The following PVALEF variants were observed in gnomAD, a reference collection of about 807,000 sequenced individuals.
PVALEF encodes the protein parvalbumin-like EF-hand-containing protein.
PVALEF carries 2 observed loss-of-function variants against 1.2 expected under a neutral mutation model. The observed-to-expected ratio is 1.68, with a 90% CI of 0.69 to 5.28. PVALEF has a LOEUF of 5.28. Among genes scored for constraint, PVALEF ranks in the 30% most tolerant of loss-of-function variants. PVALEF has a pLI of 0.06. For missense variants in PVALEF, 35 were observed against 17.7 expected (o/e 1.97, Z -1.75); for synonymous variants, 16 against 6.5 (o/e 2.47, Z -2.24).
At chr17:81,169,311 A>G (rs1447921487) in intron 2 of PVALEF, among the ~76,000 whole-genome samples, 2 of 152,242 alleles carry the variant, frequency 1.3e-5, no homozygotes, top group East Asian at 3.8e-4. Context: ...TGTTAAAAAC[A>G]GTAATCGGCC....
At position 81,182,077 on chromosome 17, in the gene PVALEF, C is replaced by T. The variant is rs1356574437; in HGVS notation, c.354C>T (p.Tyr118=). ...ADTHGDGRIN[Y]EEFSELIKKE... Reference sequence around the variant, plus strand: ...CACACGGGGACGGGAGGATCAACTACGAAGGTGGGGGCAGCACAGCCGGGG... The same window carrying T: ...CACACGGGGACGGGAGGATCAACTATGAAGGTGGGGGCAGCACAGCCGGGG... Residue 118 remains tyrosine (Y), a synonymous_variant, in exon 6 of 7, where the codon TAC becomes TAT. Transcript: ENST00000637878. 7.5e-6 allele frequency: 3 copies of T among 398,558 alleles called. No individual in the cohort carries two copies. The highest frequency in any genetic ancestry group is 3.6e-5 in the East Asian group (1 of 28,088). The allele number at this position is 398,558 out of a possible 1,614,324, so 24.7% of individuals were successfully genotyped here.
chr17:81,177,483 G>A (rs1281703986), intron 2 of PVALEF, among the ~76,000 whole-genome samples: 1 of 151,090 alleles, frequency 6.6e-6, no homozygotes, highest in Admixed American at 6.6e-5. Context: ...GGGAGGCGGA[G>A]GTTGCAGGGC....
chr17:81,172,469 C>T (rs2061523855), intron 2 of PVALEF, among the ~76,000 whole-genome samples: 1 of 152,228 alleles, frequency 6.6e-6, no homozygotes, highest in African/African-American at 2.4e-5. Context: ...GGTCCAGCAG[C>T]AGACGGCCAG....
intron 6 of PVALEF, among the ~76,000 whole-genome samples, chr17:81,182,457 T>G (rs898850243): frequency 6.6e-6 from 1 of 152,126 alleles, no homozygotes; most frequent in African/African-American, 2.4e-5. Context: ...GCACACAAGG[T>G]GGGCTGGGCC....
At chr17:81,166,948 G>A in intron 2 of PVALEF, 104 bp downstream of exon 2, 1 of 322,982 alleles carries the variant, frequency 3.1e-6, no homozygotes, top group Admixed American at 4.1e-5. Flanking sequence ...TTGCAGGGTT[G>A]GGGCGGGGCA....
chr17:81,177,766 C>A (rs1452892025), intron 2 of PVALEF, among the ~76,000 whole-genome samples: 1 of 152,218 alleles, frequency 6.6e-6, no homozygotes, highest in Non-Finnish European at 1.5e-5. Context: ...CTGTAATAAA[C>A]CTGATTGCTT....
chr17:81,166,662 T>A lies in PVALEF; in HGVS notation c.-507-15T>A. ...GGCGGGTCTTGGTGCTCAGGGGCCC[T>A]CGCCTCACTTGCAGGTTTCGAGGCG... On this transcript the variant is annotated splice_polypyrimidine_tract_variant and intron_variant, in intron 1 of 6. Coordinates refer to ENST00000637878, the MANE Select transcript of PVALEF (RefSeq NM_001354639.2). The A allele has an allele frequency of 2.2e-6, 1 of 452,166 alleles. No individual in the cohort carries two copies. The allele number at this position is 452,166 out of a possible 1,614,324, so 28.0% of individuals were successfully genotyped here.
rs375125487 is a variant in PVALEF, at chr17:81,169,766, ATG to A, written c.-340+2928_-340+2929del. Among the ~76,000 whole-genome samples, 515 of 151,726 alleles carry A rather than the reference ATG, an allele frequency of 3.4e-3. 4 individuals are homozygous for A. Among genetic ancestry groups the A allele is most frequent in the African/African-American group, 0.012 (498 of 41,448 alleles). Reference sequence around the variant, plus strand: ...TGTACGTGTCTATGTGTGTGTATGCATGTGTGTCTGTGCATATGTGTAGATGT... The same window carrying A: ...TGTACGTGTCTATGTGTGTGTATGCATGTGTCTGTGCATATGTGTAGATGT... On this transcript the variant is annotated intron_variant, in intron 2 of 6. Transcript: ENST00000637878.
At chr17:81,175,596 C>T (rs1357009724) in intron 2 of PVALEF, among the ~76,000 whole-genome samples, 5 of 152,164 alleles carry the variant, frequency 3.3e-5, no homozygotes, top group Non-Finnish European at 4.4e-5. Flanking sequence ...ACATATAAAC[C>T]AGTGGAATAG....
At chr17:81,166,918 T>C in intron 2 of PVALEF, 74 bp downstream of exon 2, 1 of 327,952 alleles carries the variant, frequency 3.0e-6, no homozygotes, top group South Asian at 2.2e-5. Context: ...GGATCCCCCA[T>C]CCCCGCCCAA....
chr17:81,176,025 T>C (rs1053300131), intron 2 of PVALEF, among the ~76,000 whole-genome samples: 3 of 152,210 alleles, frequency 2.0e-5, no homozygotes, highest in Non-Finnish European at 4.4e-5. Context: ...GCAAATCATC[T>C]GAAAATAGAT....
At position 81,165,885 on chromosome 17, in the gene PVALEF, C is replaced by G. The variant is rs1023329520; in HGVS notation, c.-508+138C>G. The G allele has an allele frequency of 1.3e-5, 20 of 1,550,204 alleles. No individual in the cohort carries two copies. In the East Asian group the frequency reaches 3.7e-4, roughly 28 times the overall value. ...GGAGCCGTGGGGCCCAGGGGCATCA[C>G]GTCCGCAGCGGAGGGAGGCAGCGGC... On this transcript the variant is annotated intron_variant, in intron 1 of 6. Transcript: ENST00000637878.
intron 2 of PVALEF, among the ~76,000 whole-genome samples, chr17:81,171,735 G>A (rs560409115): frequency 2.0e-5 from 3 of 152,074 alleles, no homozygotes; most frequent in African/African-American, 4.8e-5. Context: ...CTCGTGATCC[G>A]CCCACCTCAG....
intron 2 of PVALEF, among the ~76,000 whole-genome samples, chr17:81,171,337 G>A (rs576388368): frequency 5.9e-5 from 9 of 152,112 alleles, no homozygotes; most frequent in Admixed American, 2.0e-4. Flanking sequence ...CTGCCAGCCC[G>A]CCCTCCAGCC....
At chr17:81,168,024 T>C (rs2061505391) in intron 2 of PVALEF, among the ~76,000 whole-genome samples, 1 of 152,126 alleles carries the variant, frequency 6.6e-6, no homozygotes, top group Non-Finnish European at 1.5e-5. Flanking sequence ...CATACCCTCA[T>C]GAGTCTCCAC....
chr17:81,169,064 T>C (rs534545422), intron 2 of PVALEF, among the ~76,000 whole-genome samples: 111 of 152,212 alleles, frequency 7.3e-4, no homozygotes, highest in African/African-American at 2.6e-3. Context: ...ATTCCACTTG[T>C]ATGAAATGTC....
rs35163275 is a variant in PVALEF, at chr17:81,174,948, C to CAAAA, written c.-339-3957_-339-3954dup. On this transcript the variant is annotated intron_variant, in intron 2 of 6. Coordinates refer to ENST00000637878, the MANE Select transcript of PVALEF (RefSeq NM_001354639.2). ...TGGGTGACAGAGTGAGACTCCGTCT[C>CAAAA]AAAAAAAAAAAAAAAATTACCTCTG... Among the ~76,000 whole-genome samples, 89 of 131,592 alleles carry CAAAA rather than the reference C, an allele frequency of 6.8e-4. 3 individuals are homozygous for CAAAA. Among genetic ancestry groups the CAAAA allele is most frequent in the Middle Eastern group, 4.0e-3 (1 of 250 alleles). 86.3% of individuals were successfully genotyped at this position (131,592 alleles called of 152,430 possible).
intron 2 of PVALEF, among the ~76,000 whole-genome samples, chr17:81,173,768 C>CA (rs1051261609): frequency 6.6e-6 from 1 of 152,098 alleles, no homozygotes; most frequent in Non-Finnish European, 1.5e-5. Context: ...CAAACTTTTC[C>CA]AAAAAACTGA....
In PVALEF at chr17:81,171,443, C is replaced by T. The variant is rs76284996; in HGVS notation, c.-340+4599C>T. 3.4e-3 allele frequency among the ~76,000 whole-genome samples: 519 copies of T among 152,330 alleles called. 5 individuals are homozygous for T. The highest frequency in any genetic ancestry group is 0.012 in the African/African-American group (488 of 41,588). ...TGCTCACACTGCAGATGCTTCCAGA[C>T]GCTGGTTTCTTTGGGTCTCGTTTTA... On this transcript the variant is annotated intron_variant, in intron 2 of 6. Coordinates refer to ENST00000637878, the MANE Select transcript of PVALEF (RefSeq NM_001354639.2).
Sources: gnomAD v4.1 joint callset for allele counts (sites outside exome capture counted in the v4.1 genomes callset) on GRCh38, gnomAD v4.1.1 for gene constraint, MANE v1.5 for transcripts, NCBI Gene and HGNC (gene_info 2026-07-23, HGNC 2026-07-21) for gene names.